FAM13A: variants seen among roughly 807,000 people sequenced by gnomAD.
FAM13A encodes family with sequence similarity 13 member A.
FAM13A carries 76 observed loss-of-function variants against 129.6 expected under a neutral mutation model. The observed-to-expected ratio is 0.59, with a 90% CI of 0.49 to 0.71. The LOEUF is 0.71. FAM13A is among the 30% of genes least tolerant of loss of function. The pLI, the probability that FAM13A is intolerant of heterozygous loss-of-function variation, is 0.00. For missense variants in FAM13A, 1,108 were observed against 1,249.3 expected, an observed-to-expected ratio of 0.89 and a Z score of 1.70; for synonymous variants, 443 against 449.9, an observed-to-expected ratio of 0.98 and a Z score of 0.20.
chr4:88,759,093 A>G, intron 13 of FAM13A, 192 bp from the exon 14 acceptor site: 1 of 549,638 alleles, frequency 1.8e-6, no homozygotes, highest in East Asian at 2.9e-5. Context: ...GCAACTGTCC[A>G]TCTGTGCTCC....
At chr4:89,028,236 T>G (rs959255646) in intron 2 of FAM13A, among the ~76,000 whole-genome samples, 1 of 146,434 alleles carries the variant, frequency 6.8e-6, no homozygotes, top group Non-Finnish European at 1.5e-5. Flanking sequence ...CCCCAAAAAC[T>G]GATGAATTGT....
chr4:88,746,831 G>A (rs1304454537), intron 19 of FAM13A, 101 bp downstream of exon 19: 3 of 773,106 alleles, frequency 3.9e-6, no homozygotes, highest in South Asian at 1.6e-5. Context: ...AGTAAAGCAA[G>A]CAAACATTAG....
In FAM13A at chr4:88,731,911, C is replaced by T. The variant is rs573616280; in HGVS notation, c.2843+91G>A. The stretch of plus-strand genomic sequence containing the variant: ...CCCCAGGTAGTCACTTGTATTTTAT[C>T]AGCTAATTTATTTAGATACAAAGGC... On this transcript the variant is annotated intron_variant, in intron 22 of 23. Transcript: ENST00000264344. 3.7e-4 allele frequency: 383 copies of T among 1,033,674 alleles called. 1 individual carries two copies. The highest frequency in any genetic ancestry group is 5.1e-4 in the Non-Finnish European group (373 of 727,506). The allele number at this position is 1,033,674 out of a possible 1,614,324, so 64.0% of individuals were successfully genotyped here.
chr4:88,937,824 C>G (rs866751004), intron 5 of FAM13A: 137 of 501,244 alleles, frequency 2.7e-4, no homozygotes, highest in African/African-American at 2.4e-3. Flanking sequence ...GCCAGTTGAT[C>G]AGAGCACTGG....
intron 2 of FAM13A, among the ~76,000 whole-genome samples, chr4:89,025,242 A>ATTTTTTTTTTTTTTTTT (rs1560851172): frequency 1.8e-5 from 1 of 55,456 alleles, no homozygotes; most frequent in Non-Finnish European, 4.0e-5. Flanking sequence ...CCATGGAATC[A>ATTTTTTTTTTTTTTTTT]TTGTTTTTTT....
intron 1 of FAM13A, among the ~76,000 whole-genome samples, chr4:89,033,663 TATG>T (rs1768991040): frequency 6.6e-6 from 1 of 152,214 alleles, no homozygotes; most frequent in African/African-American, 2.4e-5. Flanking sequence ...CATCAATAAT[TATG>T]ATATTAGGAC....
intron 6 of FAM13A, among the ~76,000 whole-genome samples, chr4:88,879,643 A>G (rs930142427): frequency 7.9e-5 from 12 of 152,126 alleles, no homozygotes; most frequent in African/African-American, 2.7e-4. Flanking sequence ...GCTCTGGCCA[A>G]TGGGTTCTGA....
chr4:88,880,877 T>C (rs1204722468), intron 6 of FAM13A, among the ~76,000 whole-genome samples: 1 of 148,322 alleles, frequency 6.7e-6, no homozygotes, highest in East Asian at 2.0e-4. Context: ...CCCCACTCCC[T>C]TGGGGACCTG....
In FAM13A at chr4:88,769,224, C is replaced by T. The variant is rs550129162; in HGVS notation, c.1459-1165G>A. Among the ~76,000 whole-genome samples, 3 of 152,244 alleles carry T rather than the reference C, an allele frequency of 2.0e-5. No homozygotes were observed. The East Asian group carries it at 5.8e-4, about 29-fold the overall frequency. On this transcript the variant is annotated intron_variant, in intron 11 of 23. Coordinates refer to ENST00000264344, the MANE Select transcript of FAM13A (RefSeq NM_014883.4). ...TACAACAATCTCCACAAAATAAACA[C>T]ATAGAGGAGAAAACTAATCTTTGGC...
intron 7 of FAM13A, among the ~76,000 whole-genome samples, chr4:88,807,307 C>T (rs1368179953): frequency 6.6e-6 from 1 of 152,116 alleles, no homozygotes; most frequent in Admixed American, 6.6e-5. Context: ...AGAAGCAATA[C>T]TTTTTTCCTT....
At chr4:88,967,131 A>C (rs755696470) in intron 4 of FAM13A, among the ~76,000 whole-genome samples, 62 of 152,348 alleles carry the variant, frequency 4.1e-4, no homozygotes, top group Middle Eastern at 3.4e-3. Context: ...AAGATAGTAC[A>C]TGTAATTTCT....
intron 5 of FAM13A, among the ~76,000 whole-genome samples, chr4:88,916,466 CA>C (rs1443560037): frequency 6.6e-6 from 1 of 152,174 alleles, no homozygotes; most frequent in Non-Finnish European, 1.5e-5. Flanking sequence ...TTTAGGTGTC[CA>C]TGTGTTGCTC....
At chr4:88,851,657 A>T (rs1561163996) in intron 6 of FAM13A, among the ~76,000 whole-genome samples, 1 of 152,186 alleles carries the variant, frequency 6.6e-6, no homozygotes, top group Non-Finnish European at 1.5e-5. Context: ...CAAAACACAA[A>T]TTTGCTGATG....
intron 15 of FAM13A, 137 bp from the exon 16 acceptor site, chr4:88,750,046 C>A: frequency 1.2e-6 from 1 of 804,564 alleles, no homozygotes. Flanking sequence ...CCTCTCTCCT[C>A]TTGAATAAAA....
intron 9 of FAM13A, among the ~76,000 whole-genome samples, chr4:88,789,369 TA>T (rs1044592925): frequency 6.6e-5 from 10 of 152,190 alleles, no homozygotes; most frequent in African/African-American, 2.2e-4. Context: ...TCCATCCTGT[TA>T]GATCCAAATT....
intron 2 of FAM13A, among the ~76,000 whole-genome samples, chr4:89,028,248 T>C (rs1024436275): frequency 6.6e-6 from 1 of 150,694 alleles, no homozygotes; most frequent in African/African-American, 2.4e-5. Flanking sequence ...ATGAATTGTT[T>C]ATTTCTAAAA....
intron 6 of FAM13A, 48 bp from the exon 7 acceptor site, chr4:88,851,231 A>C (rs1737522463): frequency 6.9e-7 from 1 of 1,456,152 alleles, no homozygotes; most frequent in African/African-American, 1.4e-5. Flanking sequence ...ATAAATGTTA[A>C]AGTCTTTCAA....
chr4:88,985,861 A>AC (rs1762171836), intron 4 of FAM13A, among the ~76,000 whole-genome samples: 1 of 151,580 alleles, frequency 6.6e-6, no homozygotes, highest in Non-Finnish European at 1.5e-5. Flanking sequence ...AAAAAAAAAA[A>AC]CTGTTGGAAT....
chr4:88,891,390 A>T (rs991101682), intron 6 of FAM13A, among the ~76,000 whole-genome samples: 1 of 152,180 alleles, frequency 6.6e-6, no homozygotes, highest in African/African-American at 2.4e-5. Flanking sequence ...ACTGCCCTCC[A>T]GCCTGGGTGA....
Sources: gnomAD v4.1 joint callset for allele counts (sites outside exome capture counted in the v4.1 genomes callset) on GRCh38, gnomAD v4.1.1 for gene constraint, MANE v1.5 for transcripts, NCBI Gene and HGNC (gene_info 2026-07-23, HGNC 2026-07-21) for gene names.